PLCB4: variants seen among roughly 807,000 people sequenced by gnomAD.
PLCB4 encodes the protein 1-phosphatidylinositol 4,5-bisphosphate phosphodiesterase beta-4.
In PLCB4, 77 loss-of-function variants were observed where a neutral mutation model predicts 178.8. That is an observed-to-expected ratio of 0.43 (90% CI 0.36 to 0.52). The LOEUF (loss-of-function observed/expected upper bound fraction) is 0.52, where lower values mean the gene tolerates loss of function less well. PLCB4 is among the 20% of genes least tolerant of loss of function. The pLI is 0.00. For missense variants in PLCB4, 1,024 were observed against 1,453.4 expected (o/e 0.70, Z 4.80); for synonymous variants, 496 against 490.8 (o/e 1.01, Z -0.14).
intron 3 of PLCB4, among the ~76,000 whole-genome samples, chr20:9,240,232 C>G (rs1569001844): frequency 6.6e-6 from 1 of 152,124 alleles, no homozygotes; most frequent in African/African-American, 2.4e-5. Context: ...GAGTAGCCCT[C>G]TGGAATGAGG....
At chr20:9,211,084 CT>C (rs1441927809) in intron 2 of PLCB4, among the ~76,000 whole-genome samples, 1 of 152,132 alleles carries the variant, frequency 6.6e-6, no homozygotes, top group Admixed American at 6.5e-5. Context: ...CACCCACTTT[CT>C]TTTTTTAACC....
chr20:9,085,955 T>C (rs1393180719), intron 1 of PLCB4, among the ~76,000 whole-genome samples: 1 of 152,200 alleles, frequency 6.6e-6, no homozygotes, highest in Admixed American at 6.5e-5. Flanking sequence ...CCTCTTTGGT[T>C]ATTATAACCA....
intron 3 of PLCB4, among the ~76,000 whole-genome samples, chr20:9,282,860 T>G (rs2094505882): frequency 6.6e-6 from 1 of 151,986 alleles, no homozygotes; most frequent in East Asian, 1.9e-4. Flanking sequence ...CTATGTGGCC[T>G]CTCATCTTCC....
At chr20:9,382,952 G>T (rs2037270049) in intron 13 of PLCB4, among the ~76,000 whole-genome samples, 2 of 152,088 alleles carry the variant, frequency 1.3e-5, no homozygotes, top group South Asian at 4.2e-4. Context: ...AATTAGAAAT[G>T]ACCTAACTAT....
chr20:9,102,919 A>G (rs142769937), intron 2 of PLCB4, among the ~76,000 whole-genome samples: 124 of 152,282 alleles, frequency 8.1e-4, no homozygotes, highest in South Asian at 4.4e-3. Context: ...TGTCACTTCC[A>G]TATAAGCTAT....
At chr20:9,460,301 T>G (rs2043310511) in intron 35 of PLCB4, among the ~76,000 whole-genome samples, 1 of 152,218 alleles carries the variant, frequency 6.6e-6, no homozygotes, top group Non-Finnish European at 1.5e-5. Flanking sequence ...GGGCTGGAAC[T>G]GGCCTTTGGA....
intron 3 of PLCB4, among the ~76,000 whole-genome samples, chr20:9,291,894 G>C (rs1011093387): frequency 6.6e-6 from 1 of 152,156 alleles, no homozygotes; most frequent in African/African-American, 2.4e-5. Flanking sequence ...TCTGAGCTCA[G>C]TTCTAATATG....
chr20:9,315,939 TA>T (rs57090612), intron 4 of PLCB4, among the ~76,000 whole-genome samples: 17,475 of 149,586 alleles, frequency 0.12, 1,084 homozygotes, highest in South Asian at 0.2. Flanking sequence ...AGATTCTGTC[TA>T]AAAAAAAATT....
chr20:9,243,856 A>G (rs2094094972), intron 3 of PLCB4, among the ~76,000 whole-genome samples: 1 of 152,210 alleles, frequency 6.6e-6, no homozygotes, highest in Admixed American at 6.5e-5. Context: ...ACTCATTATT[A>G]TCTCATAGGT....
chr20:9,094,622 G>A (rs2090827911), intron 1 of PLCB4, among the ~76,000 whole-genome samples: 1 of 152,090 alleles, frequency 6.6e-6, no homozygotes, highest in African/African-American at 2.4e-5. Flanking sequence ...ACAAACTCAT[G>A]GCAGTTTCGT....
chr20:9,226,471 C>T (rs1321480496), intron 3 of PLCB4, among the ~76,000 whole-genome samples: 2 of 152,154 alleles, frequency 1.3e-5, no homozygotes, highest in Admixed American at 1.3e-4. Context: ...GGATACATCA[C>T]AGTGTGGTGG....
At chr20:9,174,921 C>T (rs2093128974) in intron 2 of PLCB4, among the ~76,000 whole-genome samples, 1 of 152,164 alleles carries the variant, frequency 6.6e-6, no homozygotes, top group Non-Finnish European at 1.5e-5. Context: ...ATTTGTCCGT[C>T]TTTGTTTCTA....
At chr20:9,339,725 T>C (rs926979841) in intron 7 of PLCB4, among the ~76,000 whole-genome samples, 61 of 152,162 alleles carry the variant, frequency 4.0e-4, no homozygotes, top group Admixed American at 2.6e-4. Flanking sequence ...ATATGGCTAA[T>C]GGCCACCATA....
At chr20:9,359,980 A>C (rs1416721462) in intron 7 of PLCB4, among the ~76,000 whole-genome samples, 2 of 152,146 alleles carry the variant, frequency 1.3e-5, no homozygotes, top group Middle Eastern at 3.2e-3. Flanking sequence ...TGCCCTTGTT[A>C]TGTTACTTGT....
intron 4 of PLCB4, among the ~76,000 whole-genome samples, chr20:9,324,351 G>A (rs1331718412): frequency 4.6e-5 from 7 of 152,034 alleles, no homozygotes; most frequent in East Asian, 1.9e-4. Context: ...GCTTGAACTC[G>A]GGAGGCAGAG....
intron 2 of PLCB4, among the ~76,000 whole-genome samples, chr20:9,172,722 A>G (rs1478791910): frequency 6.6e-6 from 1 of 152,178 alleles, no homozygotes. Flanking sequence ...TGCAAACATG[A>G]TAAACCTCAT....
intron 2 of PLCB4, among the ~76,000 whole-genome samples, chr20:9,123,410 G>C (rs1383083880): frequency 1.8e-5 from 2 of 114,082 alleles, no homozygotes; most frequent in African/African-American, 6.7e-5. Flanking sequence ...GAAACTCCTG[G>C]AAATCTCCTC....
chr20:9,385,860 G>A (rs73600229), intron 14 of PLCB4, among the ~76,000 whole-genome samples: 16,601 of 152,232 alleles, frequency 0.11, 2,231 homozygotes, highest in African/African-American at 0.31. Context: ...GGTGGCGGCC[G>A]GGCAGAGGCT....
At chr20:9,336,872 C>A (rs956496077) in intron 4 of PLCB4, among the ~76,000 whole-genome samples, 4 of 152,152 alleles carry the variant, frequency 2.6e-5, no homozygotes. Context: ...CTATGACTTT[C>A]ATGCTTTCAG....
Sources: gnomAD v4.1 joint callset for allele counts (sites outside exome capture counted in the v4.1 genomes callset) on GRCh38, gnomAD v4.1.1 for gene constraint, MANE v1.5 for transcripts, NCBI Gene and HGNC (gene_info 2026-07-23, HGNC 2026-07-21) for gene names.